The following PCDHA3 variants were observed in gnomAD, a reference collection of about 807,000 sequenced individuals.
PCDHA3 encodes the protein protocadherin alpha-3.
Under a neutral mutation model 62.2 loss-of-function variants are expected in PCDHA3, and 41 were observed. The ratio of observed to expected loss-of-function variants is 0.66; its 90% confidence interval spans 0.51 to 0.86. The LOEUF is 0.86. Among genes scored for constraint, PCDHA3 ranks in the 40% least tolerant of loss-of-function variants. The pLI is 0.00. For missense variants in PCDHA3, 1,304 were observed against 1,241.2 expected (o/e 1.05, Z -0.76); for synonymous variants, 640 against 555.4 (o/e 1.15, Z -2.14).
rs2150129886 is a variant in PCDHA3 at position 140,823,868 on chromosome 5, A to T, written c.2394+20277A>T. On this transcript the variant is annotated intron_variant, in intron 1 of 3. Coordinates refer to ENST00000522353, the MANE Select transcript of PCDHA3 (RefSeq NM_018906.3). ...GCTGCCCTGGTGGATGTCAACGTGTACCTGATCATCGCCATCTGTGCGGTG... is the reference window on the plus strand; with the variant it reads ...GCTGCCCTGGTGGATGTCAACGTGTTCCTGATCATCGCCATCTGTGCGGTG... 1.9e-6 allele frequency: 3 copies of T among 1,613,710 alleles called. No individual in the cohort carries two copies. The African/African-American group carries it at 4.0e-5, about 22-fold the overall frequency.
In PCDHA3 at chr5:140,803,518, C is replaced by T; in HGVS notation, c.2321C>T (p.Pro774Leu). 6.2e-7 allele frequency: 1 copy of T among 1,614,240 alleles called. No individual in the cohort carries two copies. The highest frequency in any genetic ancestry group is 1.3e-5 in the African/African-American group (1 of 75,058). ...LPKTDLMAFS[P>L]SLPPCPISRD... ...AAGACCGACCTCATGGCTTTTAGCC[C>T]TAGCCTTCCTCCTTGTCCAATTAGC... Residue 774 changes from proline to leucine, a missense_variant, in exon 1 of 4, where the codon CCT (proline) becomes CTT (leucine). Coordinates refer to ENST00000522353, the MANE Select transcript of PCDHA3 (RefSeq NM_018906.3).
In PCDHA3 at chr5:140,971,075, T is replaced by C. The variant is rs560795307; in HGVS notation, c.2395-7874T>C. 1.4e-4 allele frequency among the ~76,000 whole-genome samples: 22 copies of C among 152,322 alleles called. No homozygotes were observed. The South Asian group carries it at 3.7e-3, about 26-fold the overall frequency. ...CTTTAAATAAGGTTGCTGTAGACAT[T>C]TGCTTAACAAATTCTTGTGAAGCCC... is the stretch of plus-strand genomic sequence containing the variant. On this transcript the variant is annotated intron_variant, in intron 1 of 3. Transcript: ENST00000522353.
intron 2 of PCDHA3, among the ~76,000 whole-genome samples, chr5:140,980,357 C>T (rs191882864): frequency 1.6e-3 from 239 of 152,238 alleles, no homozygotes; most frequent in Middle Eastern, 6.8e-3. Flanking sequence ...CTGGACTGGG[C>T]GCGGTGGCTC....
intron 1 of PCDHA3, chr5:140,967,899 C>G: frequency 6.2e-7 from 1 of 1,614,180 alleles, no homozygotes; most frequent in African/African-American, 1.3e-5. Flanking sequence ...CCTGAGAATG[C>G]TACACCCAAC....
intron 1 of PCDHA3, chr5:140,841,822 GTTAACCTAC>G: frequency 6.2e-7 from 1 of 1,613,942 alleles, no homozygotes; most frequent in Non-Finnish European, 8.5e-7. Context: ...CTAACTCCGT[GTTAACCTAC>G]AGGCTTAGCT....
In PCDHA3 at chr5:140,882,159, T is replaced by C. The variant is rs1017946710; in HGVS notation, c.2394+78568T>C. 76 of 1,509,284 alleles carry C rather than the reference T, an allele frequency of 5.0e-5. No individual in the cohort carries two copies. The African/African-American group carries it at 8.9e-4, about 18-fold the overall frequency. 93.5% of individuals were successfully genotyped at this position (1,509,284 alleles called of 1,614,324 possible). On this transcript the variant is annotated intron_variant, in intron 1 of 3. Transcript: ENST00000522353. ...AAAATATAGCAGAAAGCGGAATACC[T>C]CTTGCGAATCCTTCCGCACTAGGAA...
rs2150132221 is a variant in PCDHA3 at position 140,824,107 on chromosome 5, G to T, written c.2394+20516G>T. ...GGCCTTCAGTCCAAGCCTTCCTCAG[G>T]GTCCCACCTCTACAGACAACGTGAG... On this transcript the variant is annotated intron_variant, in intron 1 of 3. Transcript: ENST00000522353. The T allele has an allele frequency of 6.2e-6, 10 of 1,613,972 alleles. No homozygotes were observed. In the South Asian group the frequency reaches 9.9e-5, roughly 16 times the overall value.
Position 140,890,095 on chromosome 5 carries a change from C to T in PCDHA3, c.2394+86504C>T, listed in dbSNP as rs1237299507. On this transcript the variant is annotated intron_variant, in intron 1 of 3. Coordinates refer to ENST00000522353, the MANE Select transcript of PCDHA3 (RefSeq NM_018906.3). ...TGAGAACTGATAATGCAAATTTATT[C>T]CCAACTCTGGATTCAATGATGTCAC... Among the ~76,000 whole-genome samples the T allele has an allele frequency of 2.6e-5, 4 of 152,128 alleles. 1 individual carries two copies. The highest frequency in any genetic ancestry group is 1.3e-4 in the Admixed American group (2 of 15,262).
At chr5:140,836,595 ACT>A (rs2150265014) in intron 1 of PCDHA3, 1 of 1,613,556 alleles carries the variant, frequency 6.2e-7, no homozygotes, top group Non-Finnish European at 8.5e-7. Context: ...GGTAAAGCCC[ACT>A]CTGGTGTGCT....
intron 1 of PCDHA3, chr5:140,848,940 G>C: frequency 6.2e-7 from 1 of 1,607,456 alleles, no homozygotes; most frequent in Non-Finnish European, 8.5e-7. Context: ...CAGGCCGCTT[G>C]ACTCTCGGTT....
chr5:140,979,522 A>G (rs576025092), intron 2 of PCDHA3, among the ~76,000 whole-genome samples: 1 of 152,098 alleles, frequency 6.6e-6, no homozygotes, highest in South Asian at 2.1e-4. Context: ...ATCTGTTGCT[A>G]TCTTATTGTC....
rs2150458780 is a variant in PCDHA3 at position 140,849,941 on chromosome 5, T to C, written c.2394+46350T>C. 24 of 1,597,306 alleles carry C rather than the reference T, an allele frequency of 1.5e-5. 4 individuals are homozygous for C. In the Middle Eastern group the frequency reaches 5.4e-4, roughly 36 times the overall value. On this transcript the variant is annotated intron_variant, in intron 1 of 3. Transcript: ENST00000522353. ...TCTTCACGGTGTCTGCGCGGGACGC[T>C]GACGCGCAGGAGAACGCCCTGGTGT...
chr5:140,870,334 G>T lies in PCDHA3; in HGVS notation c.2394+66743G>T, dbSNP rs180868237. The T allele has an allele frequency of 3.1e-6, 5 of 1,614,166 alleles. No individual in the cohort carries two copies. The highest frequency in any genetic ancestry group is 1.7e-5 in the Admixed American group (1 of 60,020). ...TTACTACTCGTTGGTGCTGGACAGCGCCCTGGACCGCGAGAACGTGTGGGC... is the reference window on the plus strand; with the variant it reads ...TTACTACTCGTTGGTGCTGGACAGCTCCCTGGACCGCGAGAACGTGTGGGC... On this transcript the variant is annotated intron_variant, in intron 1 of 3. Transcript: ENST00000522353.
At chr5:140,824,417 G>T in intron 1 of PCDHA3, 1 of 513,492 alleles carries the variant, frequency 1.9e-6, no homozygotes, top group Admixed American at 3.8e-5. Flanking sequence ...ACATAGTTTG[G>T]AGTCATTCTC....
At chr5:140,870,634 G>A (rs782716769) in intron 1 of PCDHA3, 49 of 1,612,744 alleles carry the variant, frequency 3.0e-5, no homozygotes, top group Non-Finnish European at 3.9e-5. Context: ...GTCGGTGCAC[G>A]CGGAGAGCGG....
At chr5:141,005,478 C>T (rs1021420332) in intron 3 of PCDHA3, among the ~76,000 whole-genome samples, 8 of 151,550 alleles carry the variant, frequency 5.3e-5, no homozygotes, top group East Asian at 3.9e-4. Context: ...CCGAGACGGG[C>T]GGATCATGAG....
intron 1 of PCDHA3, among the ~76,000 whole-genome samples, chr5:140,838,812 C>T (rs1475973999): frequency 6.6e-6 from 1 of 151,910 alleles, no homozygotes; most frequent in Non-Finnish European, 1.5e-5. Context: ...GTTTCAGCTA[C>T]TCAAGAAACT....
At chr5:140,870,909 C>T (rs2052531275) in intron 1 of PCDHA3, 1 of 1,613,956 alleles carries the variant, frequency 6.2e-7, no homozygotes, top group East Asian at 2.2e-5. Flanking sequence ...ACTCAGGCTA[C>T]AACGCGTGGC....
intron 1 of PCDHA3, among the ~76,000 whole-genome samples, chr5:140,873,677 T>A (rs1358245351): frequency 6.6e-6 from 1 of 152,212 alleles, no homozygotes; most frequent in African/African-American, 2.4e-5. Flanking sequence ...TTGTTTCTTT[T>A]TGAGATAGAG....
Sources: gnomAD v4.1 joint callset for allele counts (sites outside exome capture counted in the v4.1 genomes callset) on GRCh38, gnomAD v4.1.1 for gene constraint, MANE v1.5 for transcripts, NCBI Gene and HGNC (gene_info 2026-07-23, HGNC 2026-07-21) for gene names.